SF3A2: variants seen among roughly 807,000 people sequenced by gnomAD.
SF3A2 encodes splicing factor 3a subunit 2, also known as SAP 62.
A neutral mutation model predicts 31.1 loss-of-function variants in SF3A2; 5 were observed. The observed-to-expected ratio is 0.16, with a 90% CI of 0.08 to 0.34. The LOEUF is 0.34. Among genes scored for constraint, SF3A2 ranks in the 10% least tolerant of loss-of-function variants. SF3A2 has a pLI of 1.00. For synonymous variants in SF3A2, 365 were observed against 263.7 expected, an observed-to-expected ratio of 1.38 and a Z score of -3.72; for missense variants, 577 against 643.9, an observed-to-expected ratio of 0.90 and a Z score of 1.13.
chr19:2,248,122 C>T lies in SF3A2; in HGVS notation c.971C>T (p.Pro324Leu). 7.4e-7 allele frequency: 1 copy of T among 1,347,970 alleles called. No individual in the cohort carries two copies. Among genetic ancestry groups the T allele is most frequent in the East Asian group, 2.4e-5 (1 of 40,840 alleles). The allele number at this position is 1,347,970 out of a possible 1,614,324, so 83.5% of individuals were successfully genotyped here. The change falls in exon 9 of 9, where the codon CCA becomes CTA. Residue 324 changes from proline to leucine, a missense_variant. Pro to Leu is a moderately conservative substitution (Grantham distance 98). Around this residue, in one of 6 missense-constraint regions of SF3A2, gnomAD observed 462 missense variants for 339.1 expected, o/e 1.36. Transcript: ENST00000221494. ...CATCCCCCAGCCCCTGGGGTCCACC[C>T]ACCAACCTCTGGGGTCCACCCCCCA... Reference protein sequence around the residue: ...GVHPPAPGVHPPTSGVHPPAP... With the variant: ...GVHPPAPGVHLPTSGVHPPAP...
At position 2,240,539 on chromosome 19, in the gene SF3A2, G is replaced by A. The variant is rs1025767569; in HGVS notation, c.-37-2843G>A. Among the ~76,000 whole-genome samples, 26 of 152,214 alleles carry A rather than the reference G, an allele frequency of 1.7e-4. 1 individual carries two copies. Among genetic ancestry groups the A allele is most frequent in the African/African-American group, 6.0e-4 (25 of 41,464 alleles). ...CGGATCAGAGCTTTACTTGGTGAGTGGTTGAGTATTGGTCTGGGTTTAGGT... is the reference window on the plus strand; with the variant it reads ...CGGATCAGAGCTTTACTTGGTGAGTAGTTGAGTATTGGTCTGGGTTTAGGT... On this transcript the variant is annotated intron_variant, in intron 1 of 8. Coordinates refer to ENST00000221494, the MANE Select transcript of SF3A2 (RefSeq NM_007165.5).
In SF3A2 at chr19:2,245,435, C is replaced by G. The variant is rs1015869607; in HGVS notation, c.246-11C>G. On this transcript the variant is annotated splice_polypyrimidine_tract_variant and intron_variant, in intron 4 of 8. Coordinates refer to ENST00000221494, the MANE Select transcript of SF3A2 (RefSeq NM_007165.5). This position sits in a 1 kb window ranked among gnomAD's most constrained non-coding sequence, Gnocchi z 4.2. ...GGAGGGGTCCCAGCAGCACCTCCAT[C>G]CTGTCCGCAGGGCCCGGCGAGCAGC... 9 of 1,546,586 alleles carry G rather than the reference C, an allele frequency of 5.8e-6. No homozygotes were observed. In the Admixed American group the frequency reaches 7.8e-5, roughly 13 times the overall value.
chr19:2,240,808 C>T (rs2145008034), intron 1 of SF3A2, among the ~76,000 whole-genome samples: 1 of 152,364 alleles, frequency 6.6e-6, no homozygotes, highest in South Asian at 2.1e-4. Flanking sequence ...GAAATAAGTG[C>T]ATCAAGATAG....
rs1249287759 is a variant in SF3A2 at position 2,248,527 on chromosome 19, C to T, written c.1376C>T (p.Pro459Leu). The change falls in exon 9 of 9, where the codon CCC becomes CTC. Residue 459 changes from proline (P) to leucine (L), a missense_variant. Pro to Leu is a moderately conservative substitution (Grantham distance 98). This residue lies in a region of SF3A2 where 462 missense variants were observed against 339.1 expected (regional missense o/e 1.36). Coordinates refer to ENST00000221494, the MANE Select transcript of SF3A2 (RefSeq NM_007165.5). ...TCCGAAGGCCCAGGGAACATACCTC[C>T]CCCTCCCCCAACCAACTGAGAAGCT... The part of the protein sequence containing the change: ...LPSEGPGNIP[P>L]PPPTN 1 of 1,141,408 alleles carries T rather than the reference C, an allele frequency of 8.8e-7. No individual in the cohort carries two copies. Among genetic ancestry groups the T allele is most frequent in the Non-Finnish European group, 1.1e-6 (1 of 871,042 alleles). 70.7% of individuals were successfully genotyped at this position (1,141,408 alleles called of 1,614,324 possible). A position where few individuals can be genotyped will look rare whatever the true frequency, so the allele number is the denominator to read the frequency against.
chr19:2,240,285 C>T (rs35022945), intron 1 of SF3A2, among the ~76,000 whole-genome samples: 3,922 of 152,312 alleles, frequency 0.026, 68 homozygotes, highest in Admixed American at 0.042. Context: ...TTCAGTCCCC[C>T]CTTTTCAGCC....
chr19:2,248,180 T>TCACCCACCAGCCCCCGGAGTC lies in SF3A2; in HGVS notation c.1044_1064dup (p.Ala361_Pro367dup). On this transcript the variant is annotated inframe_insertion, in exon 9 of 9. Coordinates refer to ENST00000221494, the MANE Select transcript of SF3A2 (RefSeq NM_007165.5). ...GAGTCCACCCTCCAGCCCCCGGGGT[T>TCACCCACCAGCCCCCGGAGTC]CACCCACCAGCCCCCGGAGTCCACC... The TCACCCACCAGCCCCCGGAGTC allele has an allele frequency of 2.4e-6, 3 of 1,247,678 alleles. No individual in the cohort carries two copies. The highest frequency in any genetic ancestry group is 3.3e-6 in the Non-Finnish European group (3 of 921,308). 77.3% of individuals were successfully genotyped at this position (1,247,678 alleles called of 1,614,324 possible).
At chr19:2,239,600 G>A (rs1342577816) in intron 1 of SF3A2, among the ~76,000 whole-genome samples, 1 of 152,074 alleles carries the variant, frequency 6.6e-6, no homozygotes, top group Non-Finnish European at 1.5e-5. Context: ...TATCTGGACA[G>A]TTTGGTTCCT....
intron 2 of SF3A2, among the ~76,000 whole-genome samples, chr19:2,243,997 C>T (rs564708722): frequency 1.8e-4 from 28 of 152,324 alleles, no homozygotes; most frequent in Admixed American, 1.6e-3. Context: ...CCCCGTCTTC[C>T]AGATGAGGTC....
intron 4 of SF3A2, 47 bp downstream of exon 4, chr19:2,244,826 G>T: frequency 6.3e-7 from 1 of 1,580,018 alleles, no homozygotes; most frequent in South Asian, 1.1e-5. Flanking sequence ...AGCAGCCGTT[G>T]GCTCAAGTCT....
chr19:2,246,843 C>T lies in SF3A2; in HGVS notation c.406-39C>T. On this transcript the variant is annotated intron_variant, in intron 6 of 8. Transcript: ENST00000221494. This position sits in a 1 kb window ranked among gnomAD's most constrained non-coding sequence, Gnocchi z 5.5. ...TGGGCGTGGGGGGCGGCCAAAGGCA[C>T]CCAAGAGGCGGCTCTGCCACCCGGC... 1 of 1,613,446 alleles carries T rather than the reference C, an allele frequency of 6.2e-7. No individual in the cohort carries two copies.
intron 8 of SF3A2, 49 bp from the exon 9 acceptor site, chr19:2,247,718 C>T (rs113103740): frequency 6.2e-7 from 1 of 1,611,116 alleles, no homozygotes; most frequent in Non-Finnish European, 8.5e-7. Flanking sequence ...CGGCCCTAGC[C>T]CTGCCCTAGC....
intron 1 of SF3A2, among the ~76,000 whole-genome samples, chr19:2,240,211 G>A (rs111939467): frequency 6.6e-6 from 1 of 152,300 alleles, no homozygotes; most frequent in Non-Finnish European, 1.5e-5. Context: ...GTGCTGGGCC[G>A]CCTGCCACCT....
intron 1 of SF3A2, among the ~76,000 whole-genome samples, chr19:2,238,230 C>G (rs1046308022): frequency 6.6e-6 from 1 of 152,094 alleles, no homozygotes; most frequent in Non-Finnish European, 1.5e-5. Context: ...CGCCATGTTG[C>G]CCAGGCTGGT....
At chr19:2,239,926 C>G (rs1187607052) in intron 1 of SF3A2, among the ~76,000 whole-genome samples, 2 of 152,106 alleles carry the variant, frequency 1.3e-5, no homozygotes, top group Non-Finnish European at 2.9e-5. Flanking sequence ...AGTGGCTTCC[C>G]CCGATAATGA....
Position 2,248,147 on chromosome 19 carries a change from A to G in SF3A2, c.996A>G (p.Pro332=). The change falls in exon 9 of 9, where the codon CCA becomes CCG. Residue 332 remains proline (P), a synonymous_variant. Coordinates refer to ENST00000221494, the MANE Select transcript of SF3A2 (RefSeq NM_007165.5). ...CACCAACCTCTGGGGTCCACCCCCCAGCTCCTGGAGTCCACCCTCCAGCCC... is the reference window on the plus strand; with the variant it reads ...CACCAACCTCTGGGGTCCACCCCCCGGCTCCTGGAGTCCACCCTCCAGCCC... ...VHPPTSGVHP[P]APGVHPPAPG... is the part of the protein sequence containing the mutation. 2.3e-6 allele frequency: 3 copies of G among 1,333,296 alleles called. No individual in the cohort carries two copies. The highest frequency in any genetic ancestry group is 1.3e-5 in the South Asian group (1 of 77,026). 82.6% of individuals were successfully genotyped at this position (1,333,296 alleles called of 1,614,324 possible). A position where few individuals can be genotyped will look rare whatever the true frequency, so the allele number is the denominator to read the frequency against.
intron 2 of SF3A2, 66 bp downstream of exon 2, chr19:2,243,610 G>A: frequency 6.9e-7 from 1 of 1,449,432 alleles, no homozygotes; most frequent in South Asian, 1.4e-5. Flanking sequence ...CCTGGAGAGG[G>A]TGCCAGAGGC....
chr19:2,248,424 C>T lies in SF3A2; in HGVS notation c.1273C>T (p.Pro425Ser), dbSNP rs755391691. The change falls in exon 9 of 9, where the codon CCT becomes TCT. Residue 425 changes from proline to serine, a missense_variant. By Grantham distance (74) the Pro-to-Ser change is moderately conservative (BLOSUM62 -1). This residue lies in a region of SF3A2 where 462 missense variants were observed against 339.1 expected (regional missense o/e 1.36). Coordinates refer to ENST00000221494, the MANE Select transcript of SF3A2 (RefSeq NM_007165.5). ...GTCGGCTCCTGGGGTCCACCCTCAG[C>T]CTCCGGGAGTTCACCCCTCAAATCC... ...HPSAPGVHPQ[P>S]PGVHPSNPGV... The T allele has an allele frequency of 5.1e-6, 7 of 1,371,318 alleles. No homozygotes were observed. The South Asian group carries it at 7.5e-5, about 15-fold the overall frequency. 84.9% of individuals were successfully genotyped at this position (1,371,318 alleles called of 1,614,324 possible). A position where few individuals can be genotyped will look rare whatever the true frequency, so the allele number is the denominator to read the frequency against.
rs1284404533 is a variant in SF3A2, at chr19:2,247,116, G to A, written c.546+94G>A. 9.3e-6 allele frequency: 14 copies of A among 1,510,848 alleles called. No homozygotes were observed. In the African/African-American group the frequency reaches 1.0e-4, roughly 11 times the overall value. The allele number at this position is 1,510,848 out of a possible 1,614,324, so 93.6% of individuals were successfully genotyped here. A position where few individuals can be genotyped will look rare whatever the true frequency, so the allele number is the denominator to read the frequency against. On this transcript the variant is annotated intron_variant, in intron 7 of 8. Coordinates refer to ENST00000221494, the MANE Select transcript of SF3A2 (RefSeq NM_007165.5). ...GCAGGATGCCCCTCCCATCGGGCTTGGGGTCCCCTGGGCCCCCCCCAAGTC... is the reference window on the plus strand; with the variant it reads ...GCAGGATGCCCCTCCCATCGGGCTTAGGGTCCCCTGGGCCCCCCCCAAGTC...
intron 7 of SF3A2, among the ~76,000 whole-genome samples, 172 bp from the exon 8 acceptor site, chr19:2,247,422 G>A (rs766184466): frequency 6.6e-6 from 1 of 152,166 alleles, no homozygotes; most frequent in African/African-American, 2.4e-5. Flanking sequence ...ATTGAGGCCA[G>A]GTCTGTTTCA....
Sources: allele counts gnomAD v4.1 joint callset (sites outside exome capture counted in the v4.1 genomes callset), GRCh38; gene constraint gnomAD v4.1.1; regional missense constraint gnomAD v4.1.1; non-coding constraint Gnocchi (gnomAD v3.1); transcripts MANE v1.5; gene names NCBI Gene and HGNC (gene_info 2026-07-23, HGNC 2026-07-21).